TENM3: variants seen among roughly 807,000 people sequenced by gnomAD.
TENM3 encodes the protein teneurin-3.
A neutral mutation model predicts 255.1 loss-of-function variants in TENM3; 63 were observed. The observed-to-expected ratio is 0.25, with a 90% CI of 0.20 to 0.30. TENM3 has a LOEUF of 0.30. TENM3 is among the 10% of genes least tolerant of loss of function. The pLI is 1.00. For synonymous variants in TENM3, 1,306 were observed against 1,322.3 expected (o/e 0.99, Z 0.27); for missense variants, 2,929 against 3,461.1 (o/e 0.85, Z 3.86).
chr4:182,423,936 AAC>A (rs1771020935), intron 3 of TENM3, among the ~76,000 whole-genome samples: 1 of 152,200 alleles, frequency 6.6e-6, no homozygotes, highest in African/African-American at 2.4e-5. Flanking sequence ...AAAGAAATTT[AAC>A]AGTTGTGTCA....
chr4:181,603,987 G>A, the TENM3 span, among the ~76,000 whole-genome samples: 73 of 152,146 alleles, frequency 4.8e-4, no homozygotes, highest in African/African-American at 1.5e-3. Context: ...AATGATTGCC[G>A]GGCGCGGTGG....
intron 3 of TENM3, among the ~76,000 whole-genome samples, chr4:182,519,841 T>G (rs1738375685): frequency 6.6e-6 from 1 of 152,202 alleles, no homozygotes; most frequent in African/African-American, 2.4e-5. Flanking sequence ...TAACGGAATT[T>G]CTAAACATTG....
chr4:182,106,334 G>A, the TENM3 span, among the ~76,000 whole-genome samples: 7 of 152,064 alleles, frequency 4.6e-5, no homozygotes, highest in African/African-American at 1.4e-4. Context: ...GGTAGCGCAC[G>A]CCTGTAGTCC....
At chr4:181,849,425 A>G in the TENM3 span, among the ~76,000 whole-genome samples, 1 of 152,218 alleles carries the variant, frequency 6.6e-6, no homozygotes, top group South Asian at 2.1e-4. Flanking sequence ...ATTTTCAGCA[A>G]TGATGAGCAA....
chr4:181,754,285 C>CAT, the TENM3 span, among the ~76,000 whole-genome samples: 2 of 3,568 alleles, frequency 5.6e-4, no homozygotes, highest in East Asian at 0.071. Context: ...ATATCCCAGT[C>CAT]ACACACACAC....
chr4:182,492,668 T>C (rs764167024), intron 3 of TENM3, among the ~76,000 whole-genome samples: 1 of 152,206 alleles, frequency 6.6e-6, no homozygotes, highest in Non-Finnish European at 1.5e-5. Context: ...TCTGAACTTC[T>C]TATCTGTGCC....
At chr4:181,888,542 A>ATGTG in the TENM3 span, among the ~76,000 whole-genome samples, 5 of 117,646 alleles carry the variant, frequency 4.3e-5, no homozygotes, top group African/African-American at 1.3e-4. Context: ...ATGTGTATAT[A>ATGTG]TATATATGTA....
At chr4:182,083,576 A>T in the TENM3 span, among the ~76,000 whole-genome samples, 1 of 152,250 alleles carries the variant, frequency 6.6e-6, no homozygotes, top group Admixed American at 6.5e-5. Flanking sequence ...CATTGTTAAC[A>T]GATTTGACAC....
At chr4:181,766,713 G>C in the TENM3 span, among the ~76,000 whole-genome samples, 2 of 151,486 alleles carry the variant, frequency 1.3e-5, no homozygotes, top group African/African-American at 4.8e-5. Context: ...AGAAGGGGGT[G>C]TGCTTGAACT....
the TENM3 span, among the ~76,000 whole-genome samples, chr4:181,900,836 T>G: frequency 1.3e-5 from 2 of 152,086 alleles, no homozygotes; most frequent in Non-Finnish European, 2.9e-5. Context: ...AATTATAACA[T>G]CTGGATATTG....
chr4:182,774,576 C>T (rs547182441), intron 23 of TENM3, among the ~76,000 whole-genome samples: 10 of 152,262 alleles, frequency 6.6e-5, no homozygotes, highest in South Asian at 2.1e-4. Flanking sequence ...GTGTACACCG[C>T]GCTCCTGAGA....
chr4:182,768,611 G>C (rs934978166), intron 22 of TENM3, among the ~76,000 whole-genome samples: 3 of 152,134 alleles, frequency 2.0e-5, no homozygotes, highest in Admixed American at 6.5e-5. Flanking sequence ...CTTCACGTCA[G>C]GTTGAATATA....
chr4:181,559,592 A>G, the TENM3 span, among the ~76,000 whole-genome samples: 1 of 152,360 alleles, frequency 6.6e-6, no homozygotes, highest in African/African-American at 2.4e-5. Flanking sequence ...ATGAATTAAT[A>G]CCATGTGAAA....
the TENM3 span, chr4:181,819,996 A>C: frequency 4.6e-5 from 7 of 152,218 alleles, no homozygotes; most frequent in Non-Finnish European, 8.8e-5. Flanking sequence ...TAAAAAAAAA[A>C]AAAATCCATT....
In TENM3 at chr4:182,606,360, C is replaced by T. The variant is rs539420212; in HGVS notation, c.749+5199C>T. Among the ~76,000 whole-genome samples the T allele has an allele frequency of 2.2e-3, 328 of 151,780 alleles. 1 individual carries two copies. The highest frequency in any genetic ancestry group is 3.9e-3 in the Non-Finnish European group (267 of 67,930). On this transcript the variant is annotated intron_variant, in intron 4 of 27. Transcript: ENST00000511685. ...CCAACATGGTGAAACCCCGTCTCTA[C>T]GAAAAATACAAAAATTAGCCAGGCG...
intron 3 of TENM3, among the ~76,000 whole-genome samples, chr4:182,541,604 A>G (rs936041396): frequency 6.6e-6 from 1 of 152,226 alleles, no homozygotes; most frequent in African/African-American, 2.4e-5. Flanking sequence ...AGTATATGTA[A>G]CGAAGAGTAA....
intron 1 of TENM3, among the ~76,000 whole-genome samples, chr4:182,253,654 G>A (rs1359692428): frequency 1.3e-5 from 2 of 152,032 alleles, no homozygotes; most frequent in East Asian, 1.9e-4. Flanking sequence ...TTCTTAAATT[G>A]CCTCTCCTTC....
chr4:182,127,064 C>T, the TENM3 span, among the ~76,000 whole-genome samples: 1 of 152,182 alleles, frequency 6.6e-6, no homozygotes, highest in Admixed American at 6.5e-5. Flanking sequence ...TTCTGTAGGA[C>T]ATCATATACT....
rs932952660 is a variant in TENM3, at chr4:182,799,518, C to G, written c.7345-78C>G. ...TCCATGCATGCCCCGGCGCTGCCCC[C>G]AGAGTCCCGTGTGTGGGTCAGGAGT... On this transcript the variant is annotated intron_variant, in intron 27 of 27. Coordinates refer to ENST00000511685, the MANE Select transcript of TENM3 (RefSeq NM_001080477.4). The surrounding 1 kb of genome is among the most constrained non-coding windows in gnomAD (Gnocchi z 4.2). 3.8e-5 allele frequency: 56 copies of G among 1,491,986 alleles called. No individual in the cohort carries two copies. In the Admixed American group the frequency reaches 1.4e-3, roughly 38 times the overall value. The allele number at this position is 1,491,986 out of a possible 1,614,324, so 92.4% of individuals were successfully genotyped here.
Sources: allele counts gnomAD v4.1 joint callset (sites outside exome capture counted in the v4.1 genomes callset), GRCh38; gene constraint gnomAD v4.1.1; non-coding constraint Gnocchi (gnomAD v3.1); transcripts MANE v1.5; gene names NCBI Gene and HGNC (gene_info 2026-07-23, HGNC 2026-07-21).